PHACTR4: variants seen among roughly 807,000 people sequenced by gnomAD.
PHACTR4 encodes the protein phosphatase and actin regulator 4, also known as protein phosphatase 1, regulatory subunit 124.
PHACTR4 carries 51 observed loss-of-function variants against 72.7 expected under a neutral mutation model. The observed-to-expected ratio is 0.70, with a 90% CI of 0.56 to 0.89. The LOEUF is 0.89. Ranked by LOEUF, PHACTR4 falls within the 40% of genes least tolerant of loss-of-function variation. The pLI is 0.00. For synonymous variants in PHACTR4, 255 were observed against 302.5 expected (o/e 0.84, Z 1.63); for missense variants, 731 against 861.8 (o/e 0.85, Z 1.90).
At chr1:28,483,818 AAGAG>A (rs200081945) in intron 9 of PHACTR4, among the ~76,000 whole-genome samples, 3 of 145,994 alleles carry the variant, frequency 2.1e-5, no homozygotes, top group East Asian at 2.0e-4. Flanking sequence ...AAAAAAAAAA[AAGAG>A]AGAGATAAAT....
intron 1 of PHACTR4, among the ~76,000 whole-genome samples, chr1:28,378,572 C>T (rs1014937057): frequency 1.6e-5 from 2 of 123,638 alleles, no homozygotes; most frequent in Non-Finnish European, 3.5e-5. Context: ...CCCCCCAGCC[C>T]CCCCCCCCTT....
chr1:28,393,397 A>G (rs1160776761), intron 1 of PHACTR4, among the ~76,000 whole-genome samples: 1 of 152,198 alleles, frequency 6.6e-6, no homozygotes, highest in East Asian at 1.9e-4. Context: ...GCACTGCATA[A>G]TAACACTTCT....
intron 1 of PHACTR4, among the ~76,000 whole-genome samples, chr1:28,394,279 G>A (rs1653301853): frequency 6.7e-6 from 1 of 150,324 alleles, no homozygotes; most frequent in African/African-American, 2.4e-5. Context: ...AAAGAGGGAC[G>A]GAGGGAAGGA....
chr1:28,457,237 T>C (rs547980754), intron 2 of PHACTR4: 2 of 408,806 alleles, frequency 4.9e-6, no homozygotes, highest in Admixed American at 2.9e-5. Flanking sequence ...AATTTGGCAG[T>C]TGTTTCTTTT....
At chr1:28,408,415 G>C (rs1654518945) in intron 2 of PHACTR4, among the ~76,000 whole-genome samples, 1 of 152,062 alleles carries the variant, frequency 6.6e-6, no homozygotes, top group East Asian at 1.9e-4. Context: ...AAAATTAGCT[G>C]GGCATGGTAG....
At chr1:28,396,971 G>A (rs966464183) in intron 1 of PHACTR4, among the ~76,000 whole-genome samples, 1 of 151,592 alleles carries the variant, frequency 6.6e-6, no homozygotes, top group African/African-American at 2.4e-5. Flanking sequence ...GGGATTGCAG[G>A]TGTGAGCCAC....
At chr1:28,473,278 A>AAAC (rs571791418) in intron 6 of PHACTR4, among the ~76,000 whole-genome samples, 7 of 121,864 alleles carry the variant, frequency 5.7e-5, no homozygotes, top group African/African-American at 2.0e-4. Context: ...CCTGTCTCAA[A>AAAC]AAAAAAAAAA....
chr1:28,434,399 G>A (rs1656497565), intron 2 of PHACTR4, among the ~76,000 whole-genome samples: 2 of 150,726 alleles, frequency 1.3e-5, no homozygotes, highest in African/African-American at 4.9e-5. Context: ...TTGGCTCACT[G>A]CAACCTCTGC....
intron 1 of PHACTR4, among the ~76,000 whole-genome samples, chr1:28,375,044 A>T (rs1028570056): frequency 6.6e-6 from 1 of 152,222 alleles, no homozygotes; most frequent in African/African-American, 2.4e-5. Flanking sequence ...CACGCCTGTA[A>T]TCCCAGCACT....
At chr1:28,483,818 A>AAG (rs200081945) in intron 9 of PHACTR4, among the ~76,000 whole-genome samples, 1 of 145,994 alleles carries the variant, frequency 6.8e-6, no homozygotes, top group Non-Finnish European at 1.5e-5. Flanking sequence ...AAAAAAAAAA[A>AAG]AGAGAGAGAT....
rs866588339 is a variant in PHACTR4 at position 28,404,530 on chromosome 1, G to A, written c.-38-2880G>A. Reference sequence around the variant, plus strand: ...ACTCCTGACCTCAGGTGATCTGCCCGCCTCAGCCTCCCAAAGTGCTGGGAT... The same window carrying A: ...ACTCCTGACCTCAGGTGATCTGCCCACCTCAGCCTCCCAAAGTGCTGGGAT... On this transcript the variant is annotated intron_variant, in intron 1 of 13. Coordinates refer to ENST00000373839, the MANE Select transcript of PHACTR4 (RefSeq NM_001048183.3). 7.9e-5 allele frequency among the ~76,000 whole-genome samples: 12 copies of A among 151,692 alleles called. 1 individual carries two copies. The East Asian group carries it at 1.7e-3, about 22-fold the overall frequency.
At position 28,493,312 on chromosome 1, in the gene PHACTR4, T is replaced by C. The variant is rs1339391241; in HGVS notation, c.2093+221T>C. Among the ~76,000 whole-genome samples, 4 of 151,972 alleles carry C rather than the reference T, an allele frequency of 2.6e-5. No homozygotes were observed. The East Asian group carries it at 7.7e-4, about 29-fold the overall frequency. On this transcript the variant is annotated intron_variant, in intron 13 of 13. Coordinates refer to ENST00000373839, the MANE Select transcript of PHACTR4 (RefSeq NM_001048183.3). The stretch of plus-strand genomic sequence containing the variant: ...CAGTACTTTGGGAGGCTGAGGCAGG[T>C]GGATCACCTGAGGTCAGGAGTTTGA...
chr1:28,459,392 CTTCT>C (rs1331913342), intron 3 of PHACTR4, 134 bp downstream of exon 3: 100 of 401,622 alleles, frequency 2.5e-4, no homozygotes, highest in African/African-American at 1.9e-3. Context: ...TTCTTTCCTT[CTTCT>C]TTTTTTTTTT....
intron 9 of PHACTR4, 148 bp from the exon 10 acceptor site, chr1:28,489,022 C>T: frequency 3.7e-6 from 2 of 546,856 alleles, no homozygotes; most frequent in South Asian, 2.5e-5. Context: ...GTTTTATAAA[C>T]AATCATAAAT....
At chr1:28,457,103 G>A (rs1658447412) in intron 2 of PHACTR4, among the ~76,000 whole-genome samples, 1 of 151,974 alleles carries the variant, frequency 6.6e-6, no homozygotes, top group Admixed American at 6.6e-5. Flanking sequence ...TAAGTCTTCT[G>A]GGCATAGCAA....
Position 28,497,353 on chromosome 1 carries a change from GACCA to G in PHACTR4, c.*805_*808del, listed in dbSNP as rs1661419034. On this transcript the variant is annotated 3_prime_UTR_variant, in exon 14 of 14. Transcript: ENST00000373839. ...GGATCACCTGAGGTCAGGAGTTCAA[GACCA>G]GCCTGGCCAACATGGTGAAACCCCA... is the stretch of plus-strand genomic sequence containing the variant. 1 of 151,734 alleles carries G rather than the reference GACCA, an allele frequency of 6.6e-6. No homozygotes were observed. The highest frequency in any genetic ancestry group is 1.5e-5 in the Non-Finnish European group (1 of 67,962). The allele number at this position is 151,734 out of a possible 1,614,324, so 9.4% of individuals were successfully genotyped here. A position where few individuals can be genotyped will look rare whatever the true frequency, so the allele number is the denominator to read the frequency against.
chr1:28,491,791 C>T lies in PHACTR4; in HGVS notation c.2016+4C>T, dbSNP rs766981732. ...CAAACTGACCCCTGCTGACAAGGTA[C>T]CTGGAAAGCACTCTCTTGCTTTTTT... On this transcript the variant is annotated splice_donor_region_variant and intron_variant, in intron 12 of 13. Transcript: ENST00000373839. The T allele has an allele frequency of 7.4e-6, 12 of 1,611,284 alleles. No individual in the cohort carries two copies. The highest frequency in any genetic ancestry group is 1.7e-4 in the Middle Eastern group (1 of 6,046).
intron 2 of PHACTR4, among the ~76,000 whole-genome samples, chr1:28,412,757 G>T (rs754455351): frequency 6.6e-6 from 1 of 152,204 alleles, no homozygotes; most frequent in Non-Finnish European, 1.5e-5. Context: ...GAGATCAGCA[G>T]ATTATACTTG....
At position 28,474,065 on chromosome 1, in the gene PHACTR4, T is replaced by C. The variant is rs1659760486; in HGVS notation, c.1335T>C (p.Leu445=). Residue 445 remains leucine (L), a synonymous_variant, in exon 7 of 14, where the codon CTT becomes CTC. Transcript: ENST00000373839. The stretch of plus-strand genomic sequence containing the variant: ...GTTCTCACAGAGCTCATTCGTTGCT[T>C]TTTGAAAACAGTGACAGCTTTTCTG... ...LEGSHRAHSL[L]FENSDSFSED... The C allele has an allele frequency of 6.2e-7, 1 of 1,614,184 alleles. No individual in the cohort carries two copies. The highest frequency in any genetic ancestry group is 8.5e-7 in the Non-Finnish European group (1 of 1,180,040).
Sources: allele counts gnomAD v4.1 joint callset (sites outside exome capture counted in the v4.1 genomes callset), GRCh38; gene constraint gnomAD v4.1.1; transcripts MANE v1.5; gene names NCBI Gene and HGNC (gene_info 2026-07-23, HGNC 2026-07-21).